The following PER3 variants were observed in gnomAD, a reference collection of about 807,000 sequenced individuals.
PER3 encodes the protein period circadian protein homolog 3.
PER3 carries 107 observed loss-of-function variants against 127.2 expected under a neutral mutation model. That is an observed-to-expected ratio of 0.84 (90% CI 0.72 to 0.99). The LOEUF (loss-of-function observed/expected upper bound fraction) is 0.99. Among genes scored for constraint, PER3 ranks in the 50% least tolerant of loss-of-function variants. The pLI is 0.00. For missense variants in PER3, 1,560 were observed against 1,525.8 expected, an observed-to-expected ratio of 1.02 and a Z score of -0.37; for synonymous variants, 618 against 585.8, an observed-to-expected ratio of 1.05 and a Z score of -0.79.
At chr1:7,792,035 T>C (rs1234405120) in intron 5 of PER3, among the ~76,000 whole-genome samples, 2 of 152,234 alleles carry the variant, frequency 1.3e-5, no homozygotes, top group East Asian at 3.8e-4. Context: ...TTCCACATTT[T>C]TGGGTATCTA....
At chr1:7,803,204 T>C (rs760055168) in intron 9 of PER3, 51 bp downstream of exon 9, 1 of 1,113,172 alleles carries the variant, frequency 9.0e-7, no homozygotes, top group Non-Finnish European at 1.4e-6. Flanking sequence ...CATTGATTTG[T>C]TCTAATTTTT....
chr1:7,804,921 TAC>T (rs1193960020), intron 10 of PER3, among the ~76,000 whole-genome samples: 1 of 150,122 alleles, frequency 6.7e-6, no homozygotes, highest in Non-Finnish European at 1.5e-5. Context: ...CAGGCTGGAG[TAC>T]AGTGGCCTGA....
At chr1:7,821,550 T>A (rs2097276473) in intron 16 of PER3, among the ~76,000 whole-genome samples, 1 of 152,206 alleles carries the variant, frequency 6.6e-6, no homozygotes, top group South Asian at 2.1e-4. Flanking sequence ...TTTGCATTCC[T>A]GTGTGGGCAT....
intron 18 of PER3, among the ~76,000 whole-genome samples, chr1:7,829,197 A>G (rs768200060): frequency 6.6e-6 from 1 of 152,224 alleles, no homozygotes; most frequent in Non-Finnish European, 1.5e-5. Context: ...AACCGTATAT[A>G]CAGTATGTTT....
chr1:7,814,536 T>A (rs1323719279), intron 13 of PER3, among the ~76,000 whole-genome samples: 1 of 152,110 alleles, frequency 6.6e-6, no homozygotes, highest in Non-Finnish European at 1.5e-5. Flanking sequence ...TCAAAAATCA[T>A]GGGAATTTAT....
intron 20 of PER3, among the ~76,000 whole-genome samples, chr1:7,836,556 A>G (rs1399083841): frequency 6.6e-6 from 1 of 152,236 alleles, no homozygotes; most frequent in Non-Finnish European, 1.5e-5. Context: ...ATGTGTCTTC[A>G]AATTTATTCA....
chr1:7,816,299 CAAAAG>C (rs1467623007), intron 13 of PER3, among the ~76,000 whole-genome samples: 7 of 151,932 alleles, frequency 4.6e-5, no homozygotes, highest in African/African-American at 7.2e-5. Flanking sequence ...CCATACTGAA[CAAAAG>C]AAAAGAAAGG....
chr1:7,842,769 T>C lies in PER3; in HGVS notation c.*14T>C. Reference sequence around the variant, plus strand: ...GACAGCTGTTGAGTGACTGTGAGGATGAACCTTCATACCCTTTCCAAGACG... The same window carrying C: ...GACAGCTGTTGAGTGACTGTGAGGACGAACCTTCATACCCTTTCCAAGACG... On this transcript the variant is annotated 3_prime_UTR_variant, in exon 22 of 22. Coordinates refer to ENST00000377532, the MANE Select transcript of PER3 (RefSeq NM_001377275.1). 1 of 1,610,166 alleles carries C rather than the reference T, an allele frequency of 6.2e-7. No homozygotes were observed. The highest frequency in any genetic ancestry group is 8.5e-7 in the Non-Finnish European group (1 of 1,177,052).
Position 7,815,991 on chromosome 1 carries a change from CAAAAAAAAAA to C in PER3, c.1523-3277_1523-3268del, listed in dbSNP as rs34144861. On this transcript the variant is annotated intron_variant, in intron 13 of 21. Coordinates refer to ENST00000377532, the MANE Select transcript of PER3 (RefSeq NM_001377275.1). Reference sequence around the variant, plus strand: ...CTGGGCGACAGAGCGGACTCCGTCTCAAAAAAAAAAAAAAAAAAAAAAAAAATTGAATTGA... The same window carrying C: ...CTGGGCGACAGAGCGGACTCCGTCTCAAAAAAAAAAAAAAAATTGAATTGA... Among the ~76,000 whole-genome samples the C allele has an allele frequency of 4.0e-4, 27 of 67,666 alleles. No individual in the cohort carries two copies. The East Asian group carries it at 0.015, about 39-fold the overall frequency. The allele number at this position is 67,666 out of a possible 152,430, so 44.4% of individuals were successfully genotyped here. A position where few individuals can be genotyped will look rare whatever the true frequency, so the allele number is the denominator to read the frequency against.
At chr1:7,838,826 C>G (rs1243727919) in intron 21 of PER3, among the ~76,000 whole-genome samples, 1 of 152,194 alleles carries the variant, frequency 6.6e-6, no homozygotes, top group African/African-American at 2.4e-5. Flanking sequence ...CACTTTCAAC[C>G]TATCTGTATC....
rs1553319882 is a variant in PER3 at position 7,827,344 on chromosome 1, C to CCTCGTCCCAGCTTTT, written c.2417_2431dup (p.Leu806_Phe810dup). On this transcript the variant is annotated inframe_insertion, in exon 18 of 22. Coordinates refer to ENST00000377532, the MANE Select transcript of PER3 (RefSeq NM_001377275.1). ...CCATGGTGCCCAGCCAGGCCCCTTA[C>CCTCGTCCCAGCTTTT]CTCGTCCCAGCTTTTCCCCTCCCAG... 1 of 1,613,954 alleles carries CCTCGTCCCAGCTTTT rather than the reference C, an allele frequency of 6.2e-7. No homozygotes were observed. Among genetic ancestry groups the CCTCGTCCCAGCTTTT allele is most frequent in the African/African-American group, 1.3e-5 (1 of 74,944 alleles).
At chr1:7,787,490 T>G in intron 4 of PER3, 1 of 448,350 alleles carries the variant, frequency 2.2e-6, no homozygotes, top group South Asian at 1.7e-5. Flanking sequence ...GGAGGTGCTA[T>G]GGAGATTTTT....
chr1:7,842,356 T>A (rs765936733), intron 21 of PER3, among the ~76,000 whole-genome samples: 2 of 151,806 alleles, frequency 1.3e-5, no homozygotes, highest in Non-Finnish European at 2.9e-5. Flanking sequence ...AAAAATTAGC[T>A]GGGCGCGGTG....
At chr1:7,806,858 A>G (rs1438513289) in intron 10 of PER3, among the ~76,000 whole-genome samples, 2 of 147,438 alleles carry the variant, frequency 1.4e-5, no homozygotes, top group Admixed American at 6.9e-5. Flanking sequence ...ACACACATAC[A>G]TACACAATTT....
chr1:7,802,221 GCTGT>G (rs972051240), intron 8 of PER3, among the ~76,000 whole-genome samples: 3 of 152,072 alleles, frequency 2.0e-5, no homozygotes, highest in African/African-American at 4.8e-5. Context: ...CTGTGTACTA[GCTGT>G]CTGTCTATCT....
Position 7,827,273 on chromosome 1 carries a change from G to A in PER3, c.2344G>A (p.Ala782Thr), listed in dbSNP as rs1028489761. ...GAACGCACAGCCCTGCTGCCCCTCCGCGGCCTCCTCTCCGCACACCTCGAG... is the reference window on the plus strand; with the variant it reads ...GAACGCACAGCCCTGCTGCCCCTCCACGGCCTCCTCTCCGCACACCTCGAG... Reference protein sequence around the residue: ...HQNAQPCCPSAASSPHTSSPT... With the variant: ...HQNAQPCCPSTASSPHTSSPT... The change falls in exon 18 of 22, where the codon GCG (alanine) becomes ACG (threonine). Residue 782 changes from alanine to threonine, a missense_variant. By Grantham distance (58) the Ala-to-Thr change is moderately conservative. Coordinates refer to ENST00000377532, the MANE Select transcript of PER3 (RefSeq NM_001377275.1). 1.9e-6 allele frequency: 3 copies of A among 1,613,658 alleles called. No individual in the cohort carries two copies. The highest frequency in any genetic ancestry group is 1.7e-5 in the Admixed American group (1 of 59,974).
At chr1:7,838,234 A>T (rs2097367523) in intron 21 of PER3, among the ~76,000 whole-genome samples, 1 of 152,160 alleles carries the variant, frequency 6.6e-6, no homozygotes, top group South Asian at 2.1e-4. Flanking sequence ...TTACCTTCTG[A>T]ACTATTTTTA....
chr1:7,844,059 G>T lies in PER3; in HGVS notation c.*1304G>T, dbSNP rs573297984. ...TTTTTTTTTCCTTTTTTTGTTTTTG[G>T]TTTTTTATGGTTTTTTAAGGAAAAT... On this transcript the variant is annotated 3_prime_UTR_variant, in exon 22 of 22. Coordinates refer to ENST00000377532, the MANE Select transcript of PER3 (RefSeq NM_001377275.1). The T allele has an allele frequency of 3.6e-4, 300 of 836,342 alleles. No homozygotes were observed. Among genetic ancestry groups the T allele is most frequent in the Middle Eastern group, 1.1e-3 (2 of 1,780 alleles). The allele number at this position is 836,342 out of a possible 1,614,324, so 51.8% of individuals were successfully genotyped here. A position where few individuals can be genotyped will look rare whatever the true frequency, so the allele number is the denominator to read the frequency against.
chr1:7,842,524 A>C, intron 21 of PER3, 148 bp from the exon 22 acceptor site: 1 of 715,894 alleles, frequency 1.4e-6, no homozygotes, highest in South Asian at 5.3e-5. Context: ...AAATAGTTAT[A>C]ATAATAATAA....
Sources: gnomAD v4.1 joint callset for allele counts (sites outside exome capture counted in the v4.1 genomes callset) on GRCh38, gnomAD v4.1.1 for gene constraint, MANE v1.5 for transcripts, NCBI Gene and HGNC (gene_info 2026-07-23, HGNC 2026-07-21) for gene names.